HSD17B2: variants seen among roughly 807,000 people sequenced by gnomAD.
The protein encoded by HSD17B2 is hydroxysteroid 17-beta dehydrogenase 2.
A neutral mutation model predicts 26.9 loss-of-function variants in HSD17B2; 32 were observed. That is an observed-to-expected ratio of 1.19 (90% confidence interval 0.90 to 1.60). The LOEUF is 1.60. HSD17B2 is among the 40% of genes most tolerant of loss of function. The probability of loss-of-function intolerance (pLI) is 0.00; values close to 1 mark genes in which losing one functional copy is unlikely to be tolerated. For missense variants in HSD17B2, 613 were observed against 468.6 expected, an observed-to-expected ratio of 1.31 and a Z score of -2.85; for synonymous variants, 246 against 186.7, an observed-to-expected ratio of 1.32 and a Z score of -2.59.
intron 1 of HSD17B2, among the ~76,000 whole-genome samples, chr16:82,055,070 C>A (rs1000964219): frequency 4.6e-5 from 7 of 152,194 alleles, no homozygotes; most frequent in Admixed American, 2.0e-4. Context: ...TTTTTACAAT[C>A]AAAAATGTCT....
chr16:82,096,151 A>C (rs1904832718), intron 4 of HSD17B2: 1 of 152,194 alleles, frequency 6.6e-6, no homozygotes, highest in South Asian at 2.1e-4. Flanking sequence ...TTAAAATTAC[A>C]CTTCATATAT....
At chr16:82,073,797 AT>A (rs1205767245) in intron 3 of HSD17B2, among the ~76,000 whole-genome samples, 4 of 152,246 alleles carry the variant, frequency 2.6e-5, no homozygotes, top group African/African-American at 9.6e-5. Context: ...TATAGATTCG[AT>A]GCTATTCCTA....
chr16:82,041,168 T>C (rs1913755878), intron 1 of HSD17B2, among the ~76,000 whole-genome samples: 1 of 152,206 alleles, frequency 6.6e-6, no homozygotes, highest in Non-Finnish European at 1.5e-5. Context: ...GCAAGCGGCT[T>C]GAAGGCAGGA....
intron 1 of HSD17B2, among the ~76,000 whole-genome samples, chr16:82,036,332 G>GTC (rs1913624708): frequency 7.0e-6 from 1 of 143,620 alleles, no homozygotes; most frequent in African/African-American, 2.6e-5. Context: ...GTGTGTGTGT[G>GTC]TGTGTGTGTG....
intron 1 of HSD17B2, among the ~76,000 whole-genome samples, chr16:82,055,624 T>C (rs1597125112): frequency 6.6e-6 from 1 of 152,094 alleles, no homozygotes; most frequent in African/African-American, 2.4e-5. Flanking sequence ...TGTAGAAAAC[T>C]CCCCCACAGT....
chr16:82,069,758 T>G (rs146808030), intron 2 of HSD17B2, among the ~76,000 whole-genome samples: 4 of 152,284 alleles, frequency 2.6e-5, no homozygotes, highest in South Asian at 2.1e-4. Context: ...GTAACTAACT[T>G]GGCAGACCCA....
chr16:82,078,228 T>G (rs1025231310), intron 3 of HSD17B2, among the ~76,000 whole-genome samples: 2 of 152,162 alleles, frequency 1.3e-5, no homozygotes, highest in African/African-American at 4.8e-5. Context: ...AAGATCTGAA[T>G]AGGCATTTCT....
chr16:82,091,232 T>C, intron 4 of HSD17B2, 193 bp downstream of exon 4: 1 of 671,470 alleles, frequency 1.5e-6, no homozygotes. Flanking sequence ...AGCTCCATTC[T>C]GATTTGTGCG....
chr16:82,050,984 G>A (rs1223039658), intron 1 of HSD17B2, among the ~76,000 whole-genome samples: 4 of 152,262 alleles, frequency 2.6e-5, no homozygotes, highest in Non-Finnish European at 5.9e-5. Flanking sequence ...AATGCCAAAT[G>A]CCTCATGAGG....
At chr16:82,042,016 T>C (rs1412177841) in intron 1 of HSD17B2, among the ~76,000 whole-genome samples, 3 of 151,956 alleles carry the variant, frequency 2.0e-5, no homozygotes, top group African/African-American at 4.8e-5. Flanking sequence ...TTTTTTAATT[T>C]TTTATGCACA....
rs1914616734 is a variant in HSD17B2, at chr16:82,068,215, A to G, written c.311A>G (p.Glu104Gly). ...LGHALCKYLDELGFTVFAGVL... is the reference protein window; with the variant it reads ...LGHALCKYLDGLGFTVFAGVL... ...CATGCTTTGTGCAAGTATCTGGATG[A>G]GCTGGGCTTCACGGTATTTGCCGGA... Residue 104 changes from glutamate (E) to glycine (G), a missense_variant, in exon 2 of 5, where the codon GAG (glutamate) becomes GGG (glycine). Coordinates refer to ENST00000199936, the MANE Select transcript of HSD17B2 (RefSeq NM_002153.3). 2 of 1,614,010 alleles carry G rather than the reference A, an allele frequency of 1.2e-6. No individual in the cohort carries two copies. The highest frequency in any genetic ancestry group is 1.7e-6 in the Non-Finnish European group (2 of 1,180,022).
chr16:82,068,449 G>C (rs1460198997), intron 2 of HSD17B2, 67 bp downstream of exon 2: 2 of 1,317,964 alleles, frequency 1.5e-6, no homozygotes, highest in African/African-American at 1.4e-5. Context: ...TTCCGGCTTA[G>C]GCTGAACATG....
chr16:82,084,997 C>T (rs1407414460), intron 3 of HSD17B2, among the ~76,000 whole-genome samples: 1 of 152,184 alleles, frequency 6.6e-6, no homozygotes, highest in Non-Finnish European at 1.5e-5. Context: ...GTATTGGGAT[C>T]ATAGGCATGA....
chr16:82,089,530 C>T (rs879427812), intron 3 of HSD17B2, among the ~76,000 whole-genome samples: 4 of 152,154 alleles, frequency 2.6e-5, no homozygotes, highest in African/African-American at 9.7e-5. Context: ...GAATGCACCT[C>T]AATTCATATT....
chr16:82,081,792 C>CA (rs1175388439), intron 3 of HSD17B2, among the ~76,000 whole-genome samples: 5 of 152,098 alleles, frequency 3.3e-5, no homozygotes, highest in Non-Finnish European at 7.4e-5. Flanking sequence ...TTCTGGGGTA[C>CA]ATGTGTGTTC....
chr16:82,080,701 C>T (rs542895528), intron 3 of HSD17B2, among the ~76,000 whole-genome samples: 4 of 152,264 alleles, frequency 2.6e-5, no homozygotes, highest in Non-Finnish European at 4.4e-5. Flanking sequence ...ACCTAATTAC[C>T]GATTCCAAAC....
chr16:82,063,701 G>A (rs1265559741), intron 1 of HSD17B2, among the ~76,000 whole-genome samples: 1 of 152,208 alleles, frequency 6.6e-6, no homozygotes, highest in African/African-American at 2.4e-5. Context: ...TTAGAAAGAA[G>A]TGGGTGTTGG....
chr16:82,072,713 T>C (rs1914724687), intron 3 of HSD17B2, among the ~76,000 whole-genome samples: 1 of 152,242 alleles, frequency 6.6e-6, no homozygotes, highest in Admixed American at 6.5e-5. Context: ...TGCAAGTGTA[T>C]GAACGAGTGA....
intron 1 of HSD17B2, among the ~76,000 whole-genome samples, chr16:82,057,873 A>G (rs1008840716): frequency 1.3e-4 from 20 of 152,348 alleles, no homozygotes; most frequent in African/African-American, 4.6e-4. Context: ...CATAGCCCAC[A>G]GGAGTCTAAG....
Sources: gnomAD v4.1 joint callset for allele counts (sites outside exome capture counted in the v4.1 genomes callset) on GRCh38, gnomAD v4.1.1 for gene constraint, MANE v1.5 for transcripts, NCBI Gene and HGNC (gene_info 2026-07-23, HGNC 2026-07-21) for gene names.